NPAS2: variants seen among roughly 807,000 people sequenced by gnomAD.
The protein encoded by NPAS2 is neuronal PAS domain protein 2.
In NPAS2, 23 loss-of-function variants were observed where a neutral mutation model predicts 107.5. That is an observed-to-expected ratio of 0.21 (90% CI 0.15 to 0.30). The LOEUF is 0.30. Ranked by LOEUF, NPAS2 falls within the 10% of genes least tolerant of loss-of-function variation. The pLI is 1.00. For missense variants in NPAS2, 756 were observed against 1,043.3 expected (o/e 0.72, Z 3.79); for synonymous variants, 403 against 417.5 (o/e 0.97, Z 0.42).
intron 2 of NPAS2, among the ~76,000 whole-genome samples, chr2:100,913,786 G>A (rs181921918): frequency 1.7e-4 from 26 of 152,314 alleles, no homozygotes; most frequent in East Asian, 9.6e-4. Flanking sequence ...CTATGCATGC[G>A]TTCTTGTGAA....
intron 2 of NPAS2, among the ~76,000 whole-genome samples, chr2:100,922,563 A>G (rs1683298243): frequency 6.6e-6 from 1 of 152,172 alleles, no homozygotes; most frequent in Admixed American, 6.5e-5. Flanking sequence ...AGCCTGGGCA[A>G]CAAGAGTGAG....
At chr2:100,930,803 C>G (rs985847864) in intron 3 of NPAS2, among the ~76,000 whole-genome samples, 2 of 152,182 alleles carry the variant, frequency 1.3e-5, no homozygotes, top group African/African-American at 4.8e-5. Flanking sequence ...CATTTTCCTT[C>G]ACCATTAAGT....
intron 7 of NPAS2, among the ~76,000 whole-genome samples, chr2:100,955,857 T>C (rs1675537338): frequency 6.6e-6 from 1 of 152,116 alleles, no homozygotes; most frequent in Non-Finnish European, 1.5e-5. Context: ...CCCCGCCCCA[T>C]GCTCCTGACA....
At chr2:100,838,222 A>T (rs1677185780) in intron 1 of NPAS2, among the ~76,000 whole-genome samples, 1 of 151,772 alleles carries the variant, frequency 6.6e-6, no homozygotes, top group Non-Finnish European at 1.5e-5. Flanking sequence ...GGTTATAATA[A>T]ACATTTAAGA....
In NPAS2 at chr2:100,995,413, C is replaced by A. The variant is rs764196824; in HGVS notation, c.2306C>A (p.Thr769Asn). The A allele has an allele frequency of 1.9e-6, 3 of 1,612,920 alleles. No individual in the cohort carries two copies. Among genetic ancestry groups the A allele is most frequent in the South Asian group, 2.2e-5 (2 of 90,880 alleles). The change falls in exon 21 of 21, where the codon ACC (threonine) becomes AAC (asparagine). Residue 769 changes from threonine to asparagine, a missense_variant. By Grantham distance (65) the Thr-to-Asn change is moderately conservative (BLOSUM62 0). Coordinates refer to ENST00000335681, the MANE Select transcript of NPAS2 (RefSeq NM_002518.4). Reference sequence around the variant, plus strand: ...TTTTTTTTCTAGGTACAGGCACCAACCTCTTTGCACAGTGAGCAGCAGGAC... The same window carrying A: ...TTTTTTTTCTAGGTACAGGCACCAAACTCTTTGCACAGTGAGCAGCAGGAC... ...PQHYLQVQAP[T>N]SLHSEQQDSL... is the part of the protein sequence containing the mutation.
intron 5 of NPAS2, among the ~76,000 whole-genome samples, chr2:100,945,692 T>C (rs1340577857): frequency 6.6e-6 from 1 of 152,148 alleles, no homozygotes; most frequent in Non-Finnish European, 1.5e-5. Context: ...CCTGCAGTGC[T>C]GTCAGGGTAC....
Position 100,977,765 on chromosome 2 carries a change from C to G in NPAS2, c.1448C>G (p.Thr483Ser). Residue 483 changes from threonine to serine, a missense_variant, in exon 15 of 21, where the codon ACC (threonine) becomes AGC (serine). By Grantham distance (58) the Thr-to-Ser change is moderately conservative (BLOSUM62 1). Around this residue, in one of 4 missense-constraint regions of NPAS2, gnomAD observed 496 missense variants for 594.4 expected, o/e 0.83. Coordinates refer to ENST00000335681, the MANE Select transcript of NPAS2 (RefSeq NM_002518.4). ...CDLTQQLLPQ[T>S]VLQSTPAPMA... ...CTCACACAGCAGCTCCTGCCTCAGA[C>G]CGTTCTGCAGAGCACGCCCGCTCCC... is the stretch of plus-strand genomic sequence containing the variant. 1.2e-6 allele frequency: 2 copies of G among 1,614,200 alleles called. No homozygotes were observed. The highest frequency in any genetic ancestry group is 1.7e-6 in the Non-Finnish European group (2 of 1,180,040).
rs552640716 is a variant in NPAS2 at position 100,822,810 on chromosome 2, T to A, written c.-23+2396T>A. ...AACTCTTTCCCAAGAGAGGTCAGAT[T>A]TCGAGGTGTTGAAAATAGCCCAGTG... On this transcript the variant is annotated intron_variant, in intron 1 of 20. Transcript: ENST00000335681. The A allele has an allele frequency of 2.0e-5, 3 of 152,324 alleles. 1 individual carries two copies. The East Asian group carries it at 5.8e-4, about 29-fold the overall frequency. The allele number at this position is 152,324 out of a possible 1,614,324, so 9.4% of individuals were successfully genotyped here.
At chr2:100,995,100 G>A (rs1678368921) in intron 20 of NPAS2, 3 of 391,564 alleles carry the variant, frequency 7.7e-6, no homozygotes, top group Non-Finnish European at 1.4e-5. Context: ...TGTAGATCAT[G>A]TGCACGTGTT....
chr2:100,836,526 T>C (rs543904668), intron 1 of NPAS2, among the ~76,000 whole-genome samples: 1 of 152,046 alleles, frequency 6.6e-6, no homozygotes, highest in East Asian at 1.9e-4. Flanking sequence ...GGGACAGTGG[T>C]GGTAGGGGAG....
chr2:100,859,710 C>T (rs1678816341), intron 1 of NPAS2, among the ~76,000 whole-genome samples: 1 of 152,070 alleles, frequency 6.6e-6, no homozygotes, highest in African/African-American at 2.4e-5. Context: ...GTGCAGATTA[C>T]CAAGGCCCTG....
chr2:100,839,723 T>C (rs1677276902), intron 1 of NPAS2, among the ~76,000 whole-genome samples: 1 of 152,174 alleles, frequency 6.6e-6, no homozygotes, highest in South Asian at 2.1e-4. Context: ...GTCAGCCATA[T>C]TTCTATACAG....
intron 1 of NPAS2, among the ~76,000 whole-genome samples, chr2:100,893,424 T>G (rs947394113): frequency 1.3e-5 from 2 of 152,232 alleles, no homozygotes; most frequent in Admixed American, 6.5e-5. Flanking sequence ...TCTACCAGGC[T>G]TGGTTGGTAT....
At chr2:100,928,454 C>T (rs59187240) in intron 3 of NPAS2, among the ~76,000 whole-genome samples, 1,681 of 150,664 alleles carry the variant, frequency 0.011, 45 homozygotes, top group African/African-American at 0.039. Context: ...ACATTTATGC[C>T]GGGCTCTGTC....
intron 11 of NPAS2, among the ~76,000 whole-genome samples, chr2:100,969,734 G>A (rs139442587): frequency 3.3e-5 from 5 of 152,218 alleles, no homozygotes; most frequent in Admixed American, 3.3e-4. Context: ...CATACACCTT[G>A]GCTATACCGT....
At chr2:100,974,291 A>G (rs113984077) in intron 12 of NPAS2, among the ~76,000 whole-genome samples, 107 of 152,314 alleles carry the variant, frequency 7.0e-4, no homozygotes, top group Non-Finnish European at 1.2e-3. Flanking sequence ...GTCAGGAGCG[A>G]GAGGTCGAAA....
intron 5 of NPAS2, among the ~76,000 whole-genome samples, chr2:100,940,044 A>G (rs538961203): frequency 3.3e-5 from 5 of 152,288 alleles, no homozygotes; most frequent in African/African-American, 4.8e-5. Context: ...TTTAACTGCA[A>G]TTTACTTTCA....
chr2:100,942,388 A>T (rs1285880096), intron 5 of NPAS2, among the ~76,000 whole-genome samples: 1 of 136,144 alleles, frequency 7.3e-6, no homozygotes, highest in Non-Finnish European at 1.6e-5. Flanking sequence ...CCCTGCCCTC[A>T]CCTGCTGGAA....
intron 1 of NPAS2, among the ~76,000 whole-genome samples, chr2:100,883,506 T>G (rs1402244136): frequency 6.6e-6 from 1 of 152,184 alleles, no homozygotes; most frequent in Non-Finnish European, 1.5e-5. Flanking sequence ...CATGGGATGC[T>G]GCAGATTTAT....
Sources: allele counts gnomAD v4.1 joint callset (sites outside exome capture counted in the v4.1 genomes callset), GRCh38; gene constraint gnomAD v4.1.1; regional missense constraint gnomAD v4.1.1; transcripts MANE v1.5; gene names NCBI Gene and HGNC (gene_info 2026-07-23, HGNC 2026-07-21).